PSPC1: variants seen among roughly 807,000 people sequenced by gnomAD.
The protein encoded by PSPC1 is paraspeckle protein 1.
Under a neutral mutation model 51.6 loss-of-function variants are expected in PSPC1, and 14 were observed. That is an observed-to-expected ratio of 0.27 (90% confidence interval 0.18 to 0.42). PSPC1 has a LOEUF of 0.42. Among genes scored for constraint, PSPC1 ranks in the 10% least tolerant of loss-of-function variants. The pLI, the probability that PSPC1 is intolerant of heterozygous loss-of-function variation, is 1.00. For synonymous variants in PSPC1, 193 were observed against 231.9 expected, an observed-to-expected ratio of 0.83 and a Z score of 1.53; for missense variants, 406 against 701.1, an observed-to-expected ratio of 0.58 and a Z score of 4.75.
intron 7 of PSPC1, among the ~76,000 whole-genome samples, chr13:19,706,662 T>C (rs549896559): frequency 6.6e-6 from 1 of 152,278 alleles, no homozygotes; most frequent in African/African-American, 2.4e-5. Flanking sequence ...ACAACACATT[T>C]TTAGGCATTT....
chr13:19,673,329 T>C (rs1034796331), downstream of PSPC1: 7 of 299,414 alleles, frequency 2.3e-5, no homozygotes, highest in African/African-American at 4.3e-5. Flanking sequence ...AATACGATTT[T>C]AATGAAAACT....
intron 6 of PSPC1, among the ~76,000 whole-genome samples, chr13:19,683,067 CA>C (rs1291971166): frequency 2.0e-5 from 3 of 150,468 alleles, no homozygotes; most frequent in Non-Finnish European, 4.4e-5. Flanking sequence ...GATCCTGTCT[CA>C]AAAGAAAAAA....
At chr13:19,766,866 AAG>A (rs917913602) in intron 2 of PSPC1, among the ~76,000 whole-genome samples, 1 of 151,408 alleles carries the variant, frequency 6.6e-6, no homozygotes, top group African/African-American at 2.4e-5. Context: ...AGGAAAAAAA[AAG>A]AAAAAAAAAA....
chr13:19,759,104 C>G (rs1311443786), intron 3 of PSPC1, among the ~76,000 whole-genome samples: 1 of 151,860 alleles, frequency 6.6e-6, no homozygotes, highest in African/African-American at 2.4e-5. Context: ...GAGCCAAGAT[C>G]ACACCACTGC....
At chr13:19,750,304 T>C (rs1886402084) in intron 4 of PSPC1, among the ~76,000 whole-genome samples, 1 of 151,908 alleles carries the variant, frequency 6.6e-6, no homozygotes. Context: ...TTGTGGTGTG[T>C]GCCTGTAATC....
rs756583285 is a variant in PSPC1, at chr13:19,772,511, T to C, written c.405A>G (p.Ala135=). The C allele has an allele frequency of 5.0e-6, 8 of 1,605,496 alleles. No individual in the cohort carries two copies. The Admixed American group carries it at 5.1e-5, about 10-fold the overall frequency. The change falls in exon 2 of 9, where the codon GCA becomes GCG. Residue 135 remains alanine, a synonymous_variant. Transcript: ENST00000338910. The part of the protein sequence containing the change: ...ESRTLAEIAK[A]ELDGTILKSR... ...TCTTGAGAATGGTGCCGTCCAGCTC[T>C]GCTTTTGCAATTTCAGCCAGGGTTC...
At chr13:19,770,391 G>A (rs1166313803) in intron 2 of PSPC1, among the ~76,000 whole-genome samples, 2 of 152,200 alleles carry the variant, frequency 1.3e-5, no homozygotes, top group Non-Finnish European at 2.9e-5. Flanking sequence ...CGGGTGAAGT[G>A]GCTCACACCT....
chr13:19,756,449 G>A lies in PSPC1; in HGVS notation c.770+2874C>T, dbSNP rs149957237. Reference sequence around the variant, plus strand: ...AGGAAGAGTCAAGCAGGTTCACTACGGCCACTCAGGGAGCGAGAACTCAGA... The same window carrying A: ...AGGAAGAGTCAAGCAGGTTCACTACAGCCACTCAGGGAGCGAGAACTCAGA... On this transcript the variant is annotated intron_variant, in intron 3 of 8. Coordinates refer to ENST00000338910, the MANE Select transcript of PSPC1 (RefSeq NM_001354909.2). Among the ~76,000 whole-genome samples, 885 of 152,126 alleles carry A rather than the reference G, an allele frequency of 5.8e-3. 5 individuals are homozygous for A. The highest frequency in any genetic ancestry group is 9.6e-3 in the Non-Finnish European group (650 of 67,984).
intron 5 of PSPC1, among the ~76,000 whole-genome samples, chr13:19,730,951 A>AAC (rs1473006758): frequency 4.4e-4 from 13 of 29,434 alleles, no homozygotes; most frequent in Non-Finnish European, 1.7e-3. Flanking sequence ...TCTCAGAAAA[A>AAC]AAAAACAAAA....
chr13:19,681,600 T>C (rs1877274525), intron 6 of PSPC1, among the ~76,000 whole-genome samples: 1 of 152,218 alleles, frequency 6.6e-6, no homozygotes, highest in Non-Finnish European at 1.5e-5. Flanking sequence ...AGACACCTGT[T>C]GTGCTGAGCC....
intron 6 of PSPC1, among the ~76,000 whole-genome samples, chr13:19,687,977 C>G (rs1276230017): frequency 6.6e-6 from 1 of 151,954 alleles, no homozygotes; most frequent in Non-Finnish European, 1.5e-5. Flanking sequence ...AGCCTTTGCT[C>G]ACGGTGGGCC....
intron 6 of PSPC1, among the ~76,000 whole-genome samples, chr13:19,687,071 G>A (rs1877976270): frequency 6.6e-6 from 1 of 152,136 alleles, no homozygotes; most frequent in Non-Finnish European, 1.5e-5. Flanking sequence ...GCATAGTGGT[G>A]CATGCCTGTA....
rs193173975 is a variant in PSPC1, at chr13:19,713,315, A to C, written c.1159-3716T>G. On this transcript the variant is annotated intron_variant, in intron 6 of 8. Coordinates refer to ENST00000338910, the MANE Select transcript of PSPC1 (RefSeq NM_001354909.2). ...TAAAATAAACCTATGATGAAAACTCAGTTTTACATTATTGATTCAACTCTA... is the reference window on the plus strand; with the variant it reads ...TAAAATAAACCTATGATGAAAACTCCGTTTTACATTATTGATTCAACTCTA... 4.6e-4 allele frequency among the ~76,000 whole-genome samples: 70 copies of C among 152,240 alleles called. 1 individual carries two copies. The highest frequency in any genetic ancestry group is 8.7e-4 in the African/African-American group (36 of 41,558).
At chr13:19,731,041 G>C (rs1177427438) in intron 5 of PSPC1, among the ~76,000 whole-genome samples, 1 of 146,884 alleles carries the variant, frequency 6.8e-6, no homozygotes, top group Non-Finnish European at 1.5e-5. Flanking sequence ...AAGCCACTCA[G>C]AACATATCCA....
downstream of PSPC1, among the ~76,000 whole-genome samples, chr13:19,701,662 T>G (rs1390150963): frequency 6.6e-6 from 1 of 152,198 alleles, no homozygotes; most frequent in Non-Finnish European, 1.5e-5. Flanking sequence ...TACAACCAAC[T>G]GCTTTTATGC....
chr13:19,682,840 T>A (rs1877422702), intron 6 of PSPC1, among the ~76,000 whole-genome samples: 1 of 151,414 alleles, frequency 6.6e-6, no homozygotes, highest in African/African-American at 2.4e-5. Flanking sequence ...GGTGGGAGAA[T>A]CACTTGAGCC....
At chr13:19,711,379 G>A (rs1340837865) in intron 6 of PSPC1, among the ~76,000 whole-genome samples, 1 of 152,104 alleles carries the variant, frequency 6.6e-6, no homozygotes, top group African/African-American at 2.4e-5. Flanking sequence ...GCTCACGCCT[G>A]TAATCCCAGC....
chr13:19,735,065 G>A (rs914167450), intron 5 of PSPC1, among the ~76,000 whole-genome samples: 6 of 152,002 alleles, frequency 3.9e-5, no homozygotes, highest in Middle Eastern at 3.4e-3. Context: ...TAATCCCAGC[G>A]CTTTGGGAGG....
intron 5 of PSPC1, among the ~76,000 whole-genome samples, chr13:19,736,781 C>T: frequency 6.6e-6 from 1 of 152,304 alleles, no homozygotes; most frequent in East Asian, 1.9e-4. Context: ...ATGTGCCTCA[C>T]GAGCTTCCCC....
Sources: allele counts gnomAD v4.1 joint callset (sites outside exome capture counted in the v4.1 genomes callset), GRCh38; gene constraint gnomAD v4.1.1; transcripts MANE v1.5; gene names NCBI Gene and HGNC (gene_info 2026-07-23, HGNC 2026-07-21).